Variants in PLAG1 observed in about 807,000 individuals in gnomAD.
PLAG1 encodes the protein zinc finger protein PLAG1.
Under a neutral mutation model 35.5 loss-of-function variants are expected in PLAG1, and 7 were observed. That is an observed-to-expected ratio of 0.20 (90% confidence interval 0.11 to 0.37). PLAG1 has a LOEUF of 0.37. PLAG1 is among the 10% of genes least tolerant of loss of function. PLAG1 has a pLI of 1.00. For missense variants in PLAG1, 454 were observed against 602.8 expected, an observed-to-expected ratio of 0.75 and a Z score of 2.58; for synonymous variants, 229 against 225.4, an observed-to-expected ratio of 1.02 and a Z score of -0.14.
At chr8:56,177,959 G>A (rs1241893736) in intron 2 of PLAG1, 11 of 823,898 alleles carry the variant, frequency 1.3e-5, no homozygotes, top group South Asian at 5.6e-5. Context: ...TCTCAGGCAC[G>A]TGCTACCCAG....
intron 1 of PLAG1, among the ~76,000 whole-genome samples, chr8:56,180,592 G>A (rs1811835888): frequency 6.6e-6 from 1 of 152,122 alleles, no homozygotes; most frequent in South Asian, 2.1e-4. Flanking sequence ...GGGTTTTTAT[G>A]GTTTTAGGTC....
At chr8:56,182,086 T>A (rs369004063) in intron 1 of PLAG1, among the ~76,000 whole-genome samples, 2 of 152,200 alleles carry the variant, frequency 1.3e-5, no homozygotes, top group African/African-American at 4.8e-5. Flanking sequence ...AAGTGCCCAA[T>A]GGGCTGGACT....
chr8:56,205,504 C>G (rs1812672728), intron 1 of PLAG1, among the ~76,000 whole-genome samples: 2 of 151,146 alleles, frequency 1.3e-5, no homozygotes, highest in South Asian at 4.2e-4. Flanking sequence ...GTAGATCTCC[C>G]CAATTATCTA....
intron 2 of PLAG1, among the ~76,000 whole-genome samples, chr8:56,175,307 G>A (rs984657923): frequency 2.6e-5 from 4 of 152,252 alleles, no homozygotes; most frequent in Middle Eastern, 3.4e-3. Flanking sequence ...GTGAAAACAC[G>A]CCTGATGCCT....
intron 1 of PLAG1, among the ~76,000 whole-genome samples, chr8:56,206,975 GA>G (rs1812718286): frequency 6.6e-6 from 1 of 151,756 alleles, no homozygotes; most frequent in African/African-American, 2.4e-5. Context: ...AATATAAAGA[GA>G]AAAAATTAAT....
intron 1 of PLAG1, among the ~76,000 whole-genome samples, chr8:56,207,063 A>C (rs1190256074): frequency 6.6e-6 from 1 of 151,990 alleles, no homozygotes; most frequent in Admixed American, 6.5e-5. Flanking sequence ...TCTTCAGTAA[A>C]ACTTTTTTTT....
intron 1 of PLAG1, among the ~76,000 whole-genome samples, chr8:56,187,906 C>T (rs1310543439): frequency 2.6e-5 from 4 of 152,058 alleles, no homozygotes; most frequent in Admixed American, 6.6e-5. Flanking sequence ...ACTGATCCAC[C>T]GGAAGCCAGC....
rs562053612 is a variant in PLAG1, at chr8:56,203,483, C to G, written c.-322+7638G>C. ...ACCTTTTTCTTAAAAATAAACTGAG[C>G]AAATTACATTAAAAGCTAGACCTGA... is the stretch of plus-strand genomic sequence containing the variant. On this transcript the variant is annotated intron_variant, in intron 1 of 4. Coordinates refer to ENST00000316981, the MANE Select transcript of PLAG1 (RefSeq NM_002655.3). Among the ~76,000 whole-genome samples the G allele has an allele frequency of 3.9e-5, 6 of 152,120 alleles. No individual in the cohort carries two copies. The South Asian group carries it at 1.2e-3, about 32-fold the overall frequency.
At chr8:56,184,886 G>A (rs1156518907) in intron 1 of PLAG1, among the ~76,000 whole-genome samples, 1 of 152,148 alleles carries the variant, frequency 6.6e-6, no homozygotes, top group Non-Finnish European at 1.5e-5. Flanking sequence ...GTCGGAGGTT[G>A]CAGTGAGCCA....
At chr8:56,196,473 T>C (rs1812369052) in intron 1 of PLAG1, among the ~76,000 whole-genome samples, 3 of 152,106 alleles carry the variant, frequency 2.0e-5, no homozygotes, top group Non-Finnish European at 4.4e-5. Flanking sequence ...TGGATATGGG[T>C]GACCTGAGGA....
chr8:56,210,964 T>C (rs62515432), intron 1 of PLAG1, among the ~76,000 whole-genome samples, 157 bp downstream of exon 1: 24,524 of 151,904 alleles, frequency 0.16, 2,419 homozygotes, highest in Non-Finnish European at 0.21. Flanking sequence ...TTTTTCTCTC[T>C]GGGGTCCTGA....
intron 2 of PLAG1, among the ~76,000 whole-genome samples, chr8:56,173,470 G>C (rs973312677): frequency 4.0e-5 from 6 of 151,854 alleles, no homozygotes; most frequent in Non-Finnish European, 5.9e-5. Context: ...TGAAAAGTTA[G>C]ATAAAATTAT....
In PLAG1 at chr8:56,166,309, T is replaced by C; in HGVS notation, c.1437A>G (p.Ser479=). 1.2e-6 allele frequency: 2 copies of C among 1,612,882 alleles called. No individual in the cohort carries two copies. The highest frequency in any genetic ancestry group is 1.7e-6 in the Non-Finnish European group (2 of 1,179,444). Residue 479 remains serine (S), a synonymous_variant, in exon 5 of 5, where the codon TCA becomes TCG. Transcript: ENST00000316981. Reference sequence around the variant, plus strand: ...TGCTTAAACTGCTGGTGAAAGCTGCTGACAGTGAGTGCAGAGACCCAAGCC... The same window carrying C: ...TGCTTAAACTGCTGGTGAAAGCTGCCGACAGTGAGTGCAGAGACCCAAGCC... ...TIGLGSLHSL[S]AAFTSSLSTS...
intron 1 of PLAG1, among the ~76,000 whole-genome samples, chr8:56,205,367 T>C (rs1812668307): frequency 6.6e-6 from 1 of 151,822 alleles, no homozygotes; most frequent in East Asian, 1.9e-4. Context: ...TGAATAACCA[T>C]TACAAATTAT....
intron 1 of PLAG1, among the ~76,000 whole-genome samples, chr8:56,201,517 C>T (rs533682478): frequency 6.6e-6 from 1 of 152,236 alleles, no homozygotes; most frequent in South Asian, 2.1e-4. Flanking sequence ...CTTTCTAACT[C>T]GAATTACTCT....
chr8:56,210,490 G>C (rs1812850285), intron 1 of PLAG1, among the ~76,000 whole-genome samples: 3 of 147,514 alleles, frequency 2.0e-5, no homozygotes, highest in African/African-American at 5.0e-5. Flanking sequence ...CCTGAGGAAA[G>C]GGCAAAAACA....
Position 56,167,531 on chromosome 8 carries a change from A to C in PLAG1, c.243-28T>G. On this transcript the variant is annotated intron_variant, in intron 4 of 4. Coordinates refer to ENST00000316981, the MANE Select transcript of PLAG1 (RefSeq NM_002655.3). This position sits in a 1 kb window ranked among gnomAD's most constrained non-coding sequence, Gnocchi z 5.9. ...TTAAACACAGATATAATCTATAAGT[A>C]GTTATTATGACAAAAATGGCATGTA... 6.9e-7 allele frequency: 1 copy of C among 1,454,786 alleles called. No individual in the cohort carries two copies. Among genetic ancestry groups the C allele is most frequent in the Non-Finnish European group, 9.4e-7 (1 of 1,061,622 alleles). The allele number at this position is 1,454,786 out of a possible 1,614,324, so 90.1% of individuals were successfully genotyped here. A position where few individuals can be genotyped will look rare whatever the true frequency, so the allele number is the denominator to read the frequency against.
At chr8:56,178,637 T>G (rs1260231609) in intron 2 of PLAG1, among the ~76,000 whole-genome samples, 1 of 152,154 alleles carries the variant, frequency 6.6e-6, no homozygotes, top group Non-Finnish European at 1.5e-5. Flanking sequence ...CTTTCCCCCA[T>G]CTGCCATCAG....
chr8:56,175,287 A>G (rs761808226), intron 2 of PLAG1, among the ~76,000 whole-genome samples: 10 of 152,236 alleles, frequency 6.6e-5, no homozygotes, highest in African/African-American at 9.6e-5. Flanking sequence ...TCGTAATAAA[A>G]ATTTCCAAAG....
Sources: gnomAD v4.1 joint callset for allele counts (sites outside exome capture counted in the v4.1 genomes callset) on GRCh38, gnomAD v4.1.1 for gene constraint, Gnocchi (gnomAD v3.1) non-coding constraint, MANE v1.5 for transcripts, NCBI Gene and HGNC (gene_info 2026-07-23, HGNC 2026-07-21) for gene names.